Variants in SGCZ observed in about 807,000 individuals in gnomAD.
SGCZ encodes the protein zeta-sarcoglycan.
A neutral mutation model predicts 41.3 loss-of-function variants in SGCZ; 40 were observed. The ratio of observed to expected loss-of-function variants is 0.97; its 90% CI spans 0.75 to 1.26. SGCZ has a LOEUF of 1.26. Ranked by LOEUF, SGCZ falls within the 50% of genes most tolerant of loss-of-function variation. The pLI is 0.00. For synonymous variants in SGCZ, 206 were observed against 137.5 expected, an observed-to-expected ratio of 1.50 and a Z score of -3.49; for missense variants, 552 against 369.8, an observed-to-expected ratio of 1.49 and a Z score of -4.04.
chr8:14,429,748 G>C, intron 2 of SGCZ, among the ~76,000 whole-genome samples: 1 of 151,026 alleles, frequency 6.6e-6, no homozygotes, highest in Non-Finnish European at 1.5e-5. Flanking sequence ...GTGTGATCTC[G>C]GCCAGCATAT....
chr8:14,443,776 A>G (rs1268696797), intron 2 of SGCZ, among the ~76,000 whole-genome samples: 2 of 152,088 alleles, frequency 1.3e-5, no homozygotes, highest in Non-Finnish European at 2.9e-5. Context: ...CTAAAACACC[A>G]AAAGCCATGG....
At chr8:14,099,506 C>CACGAGGTCAGGAGTTCCAG (rs1801945283) in intron 7 of SGCZ, among the ~76,000 whole-genome samples, 1 of 152,138 alleles carries the variant, frequency 6.6e-6, no homozygotes, top group Admixed American at 6.5e-5. Context: ...GCGGGAGGAT[C>CACGAGGTCAGGAGTTCCAG]ACGAGGTCAG....
At chr8:14,583,150 C>G (rs976489622) in intron 1 of SGCZ, among the ~76,000 whole-genome samples, 6 of 150,432 alleles carry the variant, frequency 4.0e-5, no homozygotes, top group African/African-American at 7.3e-5. Flanking sequence ...TCCTATTTCT[C>G]CACATCCTCT....
intron 1 of SGCZ, among the ~76,000 whole-genome samples, chr8:15,006,386 A>C (rs1802606965): frequency 6.6e-6 from 1 of 152,208 alleles, no homozygotes; most frequent in South Asian, 2.1e-4. Context: ...AAATTCTGCT[A>C]TCCAATAGCT....
At chr8:14,545,593 T>C (rs1803601324) in intron 2 of SGCZ, among the ~76,000 whole-genome samples, 1 of 152,190 alleles carries the variant, frequency 6.6e-6, no homozygotes, top group South Asian at 2.1e-4. Flanking sequence ...GACACACATA[T>C]TTCATAAAGT....
intron 2 of SGCZ, among the ~76,000 whole-genome samples, chr8:14,553,919 G>A (rs1260699376): frequency 1.3e-5 from 2 of 152,020 alleles, no homozygotes; most frequent in African/African-American, 4.8e-5. Flanking sequence ...TGTATGTGGA[G>A]ATATCTGAGG....
At chr8:14,696,702 T>C (rs895514957) in intron 1 of SGCZ, among the ~76,000 whole-genome samples, 1 of 152,052 alleles carries the variant, frequency 6.6e-6, no homozygotes, top group African/African-American at 2.4e-5. Context: ...AGTAGCCCCA[T>C]TGTCTCATTT....
intron 2 of SGCZ, among the ~76,000 whole-genome samples, chr8:14,370,567 T>C (rs1803874970): frequency 2.0e-5 from 3 of 151,918 alleles, no homozygotes; most frequent in Admixed American, 2.0e-4. Flanking sequence ...CTTACTCAAG[T>C]TCTCTTTTCA....
At chr8:14,417,684 C>A (rs991222495) in intron 2 of SGCZ, among the ~76,000 whole-genome samples, 4 of 151,674 alleles carry the variant, frequency 2.6e-5, no homozygotes, top group Admixed American at 6.6e-5. Flanking sequence ...ACGTATTGTA[C>A]TCTTGAAATT....
intron 1 of SGCZ, among the ~76,000 whole-genome samples, chr8:15,227,087 G>T (rs1801800234): frequency 6.6e-6 from 1 of 152,188 alleles, no homozygotes; most frequent in Non-Finnish European, 1.5e-5. Context: ...GGAAATAGGA[G>T]AGGTGTGCAT....
intron 3 of SGCZ, among the ~76,000 whole-genome samples, chr8:14,242,185 T>G (rs529103316): frequency 6.6e-6 from 1 of 152,312 alleles, no homozygotes; most frequent in East Asian, 1.9e-4. Flanking sequence ...TGAGAAGATA[T>G]GGGTGTTTCA....
At chr8:14,321,957 G>A (rs1239827890) in intron 3 of SGCZ, among the ~76,000 whole-genome samples, 2 of 152,102 alleles carry the variant, frequency 1.3e-5, no homozygotes, top group African/African-American at 2.4e-5. Context: ...AAGGCTAAGA[G>A]AAATTGTGGC....
intron 2 of SGCZ, among the ~76,000 whole-genome samples, chr8:14,534,607 A>T (rs1024559692): frequency 6.6e-6 from 1 of 151,982 alleles, no homozygotes; most frequent in African/African-American, 2.4e-5. Flanking sequence ...ACCGTTGAGC[A>T]AATAGCTAAT....
chr8:15,174,058 G>A (rs268387), intron 1 of SGCZ, among the ~76,000 whole-genome samples: 80,575 of 151,890 alleles, frequency 0.53, 21,598 homozygotes, highest in Non-Finnish European at 0.56. Context: ...GTGCACTTCA[G>A]TTAAGGGCCG....
At chr8:14,662,547 C>T (rs2117486613) in intron 1 of SGCZ, among the ~76,000 whole-genome samples, 1 of 152,182 alleles carries the variant, frequency 6.6e-6, no homozygotes, top group Non-Finnish European at 1.5e-5. Context: ...AGAGTTTTAC[C>T]ACTCATACAT....
chr8:14,125,515 AAAGAAG>A (rs200003594), intron 5 of SGCZ, among the ~76,000 whole-genome samples: 1 of 149,480 alleles, frequency 6.7e-6, no homozygotes, highest in East Asian at 2.1e-4. Flanking sequence ...AAAAAAAAAA[AAAGAAG>A]AAGAATCACT....
intron 1 of SGCZ, among the ~76,000 whole-genome samples, chr8:14,855,651 T>A (rs979470671): frequency 1.3e-5 from 2 of 152,138 alleles, no homozygotes; most frequent in Non-Finnish European, 2.9e-5. Context: ...AAAGAAAACA[T>A]ATGGTCAAAT....
chr8:14,242,927 T>A (rs537815637), intron 3 of SGCZ, among the ~76,000 whole-genome samples: 46 of 152,308 alleles, frequency 3.0e-4, no homozygotes, highest in African/African-American at 1.1e-3. Context: ...CTTTAAGCAT[T>A]TTGGTCTCTA....
chr8:14,416,682 T>A (rs1799502214), intron 2 of SGCZ, among the ~76,000 whole-genome samples: 1 of 151,928 alleles, frequency 6.6e-6, no homozygotes, highest in South Asian at 2.1e-4. Flanking sequence ...CTGTGTTTTA[T>A]GTTAGAAAAG....
Sources: allele counts gnomAD v4.1 joint callset (sites outside exome capture counted in the v4.1 genomes callset), GRCh38; gene constraint gnomAD v4.1.1; transcripts MANE v1.5; gene names NCBI Gene and HGNC (gene_info 2026-07-23, HGNC 2026-07-21).